MAPRE2: variants seen among roughly 807,000 people sequenced by gnomAD.
MAPRE2 encodes the protein microtubule-associated protein RP/EB family member 2.
In MAPRE2, 13 loss-of-function variants were observed where a neutral mutation model predicts 43.2. That is an observed-to-expected ratio of 0.30 (90% CI 0.20 to 0.48). The LOEUF is 0.48. Ranked by LOEUF, MAPRE2 falls within the 20% of genes least tolerant of loss-of-function variation. MAPRE2 has a pLI of 0.99. For missense variants in MAPRE2, 161 were observed against 400.2 expected, an observed-to-expected ratio of 0.40 and a Z score of 5.10; for synonymous variants, 135 against 148.8, an observed-to-expected ratio of 0.91 and a Z score of 0.68.
At chr18:35,028,330 A>G (rs1318770207) in intron 2 of MAPRE2, among the ~76,000 whole-genome samples, 1 of 152,214 alleles carries the variant, frequency 6.6e-6, no homozygotes, top group Admixed American at 6.5e-5. Context: ...AAGCTAGAGG[A>G]GTTAAGTAAT....
intron 1 of MAPRE2, among the ~76,000 whole-genome samples, chr18:34,980,023 CT>C (rs1450524683): frequency 7.5e-5 from 10 of 132,498 alleles, no homozygotes; most frequent in African/African-American, 2.9e-4. Flanking sequence ...TTTTCTTTTT[CT>C]TTTTTTCTTT....
chr18:35,088,840 A>G (rs1399492043), intron 2 of MAPRE2, among the ~76,000 whole-genome samples: 1 of 152,240 alleles, frequency 6.6e-6, no homozygotes, highest in Admixed American at 6.5e-5. Context: ...GTTTGATTTG[A>G]TAGCAGAGAA....
At chr18:35,134,370 T>C (rs1401021922) in intron 6 of MAPRE2, among the ~76,000 whole-genome samples, 1 of 152,260 alleles carries the variant, frequency 6.6e-6, no homozygotes, top group Non-Finnish European at 1.5e-5. Context: ...TAGCATGTGC[T>C]AGGGATTGTA....
At chr18:35,099,068 C>T (rs945610690) in intron 3 of MAPRE2, among the ~76,000 whole-genome samples, 1 of 152,178 alleles carries the variant, frequency 6.6e-6, no homozygotes, top group Non-Finnish European at 1.5e-5. Context: ...TGCCCTGAAG[C>T]TTTCATGTTG....
At chr18:34,985,462 A>G (rs2097019870) in intron 1 of MAPRE2, among the ~76,000 whole-genome samples, 1 of 43,824 alleles carries the variant, frequency 2.3e-5, no homozygotes, top group African/African-American at 8.7e-5. Flanking sequence ...ACTATATTGT[A>G]TATTATATAA....
intron 3 of MAPRE2, 71 bp downstream of exon 3, chr18:35,097,662 TC>T: frequency 1.4e-6 from 2 of 1,389,778 alleles, no homozygotes; most frequent in Non-Finnish European, 2.0e-6. Context: ...AATGCAAAAG[TC>T]CAGGAGCATA....
intron 1 of MAPRE2, among the ~76,000 whole-genome samples, chr18:35,005,323 A>G (rs540255033): frequency 3.6e-4 from 55 of 152,340 alleles, no homozygotes; most frequent in Admixed American, 7.8e-4. Flanking sequence ...TGACTTAATC[A>G]CTTTCATATG....
At chr18:35,070,072 G>A in intron 1 of MAPRE2, 123 bp from the exon 2 acceptor site, 1 of 635,846 alleles carries the variant, frequency 1.6e-6, no homozygotes. Flanking sequence ...ATGCTAAAGG[G>A]CTTAGCCAGA....
chr18:35,013,549 A>G (rs1036238884), intron 2 of MAPRE2, among the ~76,000 whole-genome samples: 1 of 152,148 alleles, frequency 6.6e-6, no homozygotes, highest in Non-Finnish European at 1.5e-5. Flanking sequence ...CATTCTAGCT[A>G]TTTGAAACTA....
chr18:35,080,880 C>A (rs182144090), intron 2 of MAPRE2, among the ~76,000 whole-genome samples: 2 of 151,980 alleles, frequency 1.3e-5, no homozygotes, highest in Non-Finnish European at 2.9e-5. Context: ...CTGTGTTTGT[C>A]CCCTCCCTCC....
chr18:34,982,189 A>T (rs2097016801), intron 1 of MAPRE2, among the ~76,000 whole-genome samples: 2 of 152,216 alleles, frequency 1.3e-5, no homozygotes, highest in South Asian at 4.2e-4. Context: ...GGCCAACTTT[A>T]TTCTTAAATA....
At chr18:35,006,780 T>C (rs2097032064) in intron 2 of MAPRE2, among the ~76,000 whole-genome samples, 1 of 152,160 alleles carries the variant, frequency 6.6e-6, no homozygotes, top group Non-Finnish European at 1.5e-5. Context: ...CTGGCCAACA[T>C]GGCAAAACCC....
At chr18:35,127,490 T>A (rs1200543555) in intron 5 of MAPRE2, 1 of 160,056 alleles carries the variant, frequency 6.2e-6, no homozygotes, top group African/African-American at 2.4e-5. Flanking sequence ...TTAGTCTGTC[T>A]CCCTCCCACT....
intron 5 of MAPRE2, among the ~76,000 whole-genome samples, chr18:35,130,214 T>C (rs1368453620): frequency 6.6e-6 from 1 of 151,984 alleles, no homozygotes; most frequent in Non-Finnish European, 1.5e-5. Flanking sequence ...AGGGTTGAGA[T>C]GGATTTTATG....
chr18:35,055,535 C>CTGTGTGTG (rs1321118157), intron 1 of MAPRE2, among the ~76,000 whole-genome samples: 3 of 60,226 alleles, frequency 5.0e-5, no homozygotes, highest in Admixed American at 1.6e-4. Flanking sequence ...CTATTCAGTT[C>CTGTGTGTG]TCTGTGTGTG....
intron 1 of MAPRE2, among the ~76,000 whole-genome samples, chr18:35,044,557 T>C (rs1188815911): frequency 1.3e-5 from 2 of 152,234 alleles, no homozygotes; most frequent in Non-Finnish European, 1.5e-5. Context: ...CCTTTGCCTG[T>C]TGTATATAAA....
At chr18:35,084,364 C>A (rs186975151) in intron 2 of MAPRE2, among the ~76,000 whole-genome samples, 1 of 152,260 alleles carries the variant, frequency 6.6e-6, no homozygotes, top group African/African-American at 2.4e-5. Context: ...GATACTGGCA[C>A]CTTTAACTGC....
At chr18:35,085,634 A>G (rs1907840233) in intron 2 of MAPRE2, among the ~76,000 whole-genome samples, 1 of 152,226 alleles carries the variant, frequency 6.6e-6, no homozygotes. Context: ...GGCTAGAAGC[A>G]AGAGCACTGG....
chr18:35,098,786 A>T (rs901543332), intron 3 of MAPRE2, among the ~76,000 whole-genome samples: 1 of 152,244 alleles, frequency 6.6e-6, no homozygotes, highest in African/African-American at 2.4e-5. Context: ...GGAACTTGTC[A>T]TACATCAAAT....
Sources: gnomAD v4.1 joint callset for allele counts (sites outside exome capture counted in the v4.1 genomes callset) on GRCh38, gnomAD v4.1.1 for gene constraint, MANE v1.5 for transcripts, NCBI Gene and HGNC (gene_info 2026-07-23, HGNC 2026-07-21) for gene names.